FAR1: variants seen among roughly 807,000 people sequenced by gnomAD.
The protein encoded by FAR1 is fatty acyl-CoA reductase 1, also known as male sterility domain-containing protein 2.
FAR1 carries 22 observed loss-of-function variants against 61.1 expected under a neutral mutation model. That is an observed-to-expected ratio of 0.36 (90% CI 0.26 to 0.51). The LOEUF (loss-of-function observed/expected upper bound fraction) is 0.51, where lower values mean the gene tolerates loss of function less well. Among genes scored for constraint, FAR1 ranks in the 20% least tolerant of loss-of-function variants. The probability of loss-of-function intolerance (pLI) is 0.95; values close to 1 mark genes in which losing one functional copy is unlikely to be tolerated. For missense variants in FAR1, 359 were observed against 626.9 expected (o/e 0.57, Z 4.56); for synonymous variants, 206 against 209.7 (o/e 0.98, Z 0.15).
In FAR1 at chr11:13,728,700, A is replaced by C; in HGVS notation, c.1474A>C (p.Ile492Leu). ...FIARSQMARN[I>L]WYFVVSLCYK... ...TGCAAGATCACAAATGGCAAGAAAT[A>C]TCTGGTACTTTGTGGTTAGTCTGTG... The change falls in exon 12 of 12, where the codon ATC (isoleucine) becomes CTC (leucine). Residue 492 changes from isoleucine to leucine, a missense_variant. Ile to Leu is a conservative substitution (Grantham distance 5, BLOSUM62 2). Transcript: ENST00000354817. 1 of 1,612,554 alleles carries C rather than the reference A, an allele frequency of 6.2e-7. No homozygotes were observed. The highest frequency in any genetic ancestry group is 1.1e-5 in the South Asian group (1 of 91,040).
intron 8 of FAR1, among the ~76,000 whole-genome samples, chr11:13,713,293 C>T (rs574621959): frequency 6.6e-4 from 91 of 138,602 alleles, no homozygotes; most frequent in Non-Finnish European, 9.5e-4. Flanking sequence ...CTCCTGCCAT[C>T]TGCAGTAGCC....
chr11:13,680,719 C>T (rs1848118052), intron 1 of FAR1, among the ~76,000 whole-genome samples: 1 of 152,078 alleles, frequency 6.6e-6, no homozygotes, highest in South Asian at 2.1e-4. Flanking sequence ...CGCTTAGTGG[C>T]ACCAAGCCAT....
intron 1 of FAR1, among the ~76,000 whole-genome samples, chr11:13,672,449 G>C: frequency 6.6e-6 from 1 of 151,826 alleles, no homozygotes; most frequent in South Asian, 2.1e-4. Context: ...CCAGCTACTT[G>C]GGGGGCTGAG....
intron 1 of FAR1, among the ~76,000 whole-genome samples, chr11:13,688,963 T>A (rs145292216): frequency 6.6e-6 from 1 of 152,238 alleles, no homozygotes; most frequent in East Asian, 1.9e-4. Context: ...GCTCTGTAGT[T>A]TTAATTAGGC....
intron 2 of FAR1, among the ~76,000 whole-genome samples, chr11:13,695,219 A>G (rs948428021): frequency 6.6e-6 from 1 of 152,140 alleles, no homozygotes; most frequent in African/African-American, 2.4e-5. Flanking sequence ...GTATGTTTTT[A>G]GAACATTTGA....
intron 3 of FAR1, among the ~76,000 whole-genome samples, chr11:13,705,707 T>C (rs1848425028): frequency 6.6e-6 from 1 of 152,202 alleles, no homozygotes; most frequent in Non-Finnish European, 1.5e-5. Flanking sequence ...TTTTAAGAAC[T>C]CAACCCAATT....
At chr11:13,693,953 T>C (rs912557899) in intron 1 of FAR1, among the ~76,000 whole-genome samples, 4 of 152,190 alleles carry the variant, frequency 2.6e-5, no homozygotes, top group Admixed American at 2.0e-4. Flanking sequence ...TTATTCTCTC[T>C]CTGGTTGTAT....
intron 1 of FAR1, among the ~76,000 whole-genome samples, chr11:13,679,926 C>A (rs770089518): frequency 1.3e-5 from 2 of 151,944 alleles, no homozygotes; most frequent in African/African-American, 2.4e-5. Context: ...TCCTTACTAC[C>A]GAGAAGTGCC....
Position 13,728,543 on chromosome 11 carries a change from T to C in FAR1, c.1386-69T>C. 2.2e-6 allele frequency: 3 copies of C among 1,376,910 alleles called. No individual in the cohort carries two copies. In the South Asian group the frequency reaches 3.8e-5, roughly 18 times the overall value. The allele number at this position is 1,376,910 out of a possible 1,614,324, so 85.3% of individuals were successfully genotyped here. A position where few individuals can be genotyped will look rare whatever the true frequency, so the allele number is the denominator to read the frequency against. On this transcript the variant is annotated intron_variant, in intron 11 of 11. Transcript: ENST00000354817. Reference sequence around the variant, plus strand: ...GCTTTGATTAAAAACTCAGTATTAATTAGCTGCCATCTAACAATATTTTTT... The same window carrying C: ...GCTTTGATTAAAAACTCAGTATTAACTAGCTGCCATCTAACAATATTTTTT...
At chr11:13,703,206 G>C (rs1211108370) in intron 3 of FAR1, among the ~76,000 whole-genome samples, 6 of 151,910 alleles carry the variant, frequency 3.9e-5, no homozygotes. Flanking sequence ...GTTTGAGATA[G>C]GGTCTCACCT....
chr11:13,715,984 A>C (rs1037328242), intron 9 of FAR1: 1 of 152,142 alleles, frequency 6.6e-6, no homozygotes, highest in Non-Finnish European at 1.5e-5. Context: ...TTCTAACCCT[A>C]TATGTTAGCT....
intron 1 of FAR1, among the ~76,000 whole-genome samples, chr11:13,681,875 C>A (rs1009286226): frequency 2.0e-5 from 3 of 152,144 alleles, no homozygotes; most frequent in Non-Finnish European, 2.9e-5. Context: ...CCCATCCATA[C>A]TTTTAAATTC....
At position 13,712,047 on chromosome 11, in the gene FAR1, GTA is replaced by G; in HGVS notation, c.887+5_887+6del. On this transcript the variant is annotated splice_donor_variant and splice_donor_region_variant and intron_variant, in intron 7 of 11. Coordinates refer to ENST00000354817, the MANE Select transcript of FAR1 (RefSeq NM_032228.6). LOFTEE classifies it high-confidence loss of function. ...CAGCCTGGTATTCCGGAGTTAATAG[GTA>G]TATGAGGTGACAATGTCGCTTATTA... 6.3e-7 allele frequency: 1 copy of G among 1,575,778 alleles called. No homozygotes were observed. Among genetic ancestry groups the G allele is most frequent in the Non-Finnish European group, 8.7e-7 (1 of 1,145,608 alleles).
chr11:13,698,235 T>G (rs1848329191), intron 2 of FAR1, among the ~76,000 whole-genome samples: 1 of 152,172 alleles, frequency 6.6e-6, no homozygotes, highest in South Asian at 2.1e-4. Context: ...CTGAATTTAT[T>G]CACTTAACAA....
intron 10 of FAR1, 58 bp from the exon 11 acceptor site, chr11:13,727,498 G>T: frequency 6.7e-7 from 1 of 1,498,858 alleles, no homozygotes; most frequent in South Asian, 1.3e-5. Flanking sequence ...GTGAATTTCT[G>T]ACTGGTTGTG....
intron 4 of FAR1, among the ~76,000 whole-genome samples, chr11:13,709,073 T>G (rs972299298): frequency 1.6e-4 from 25 of 152,212 alleles, no homozygotes; most frequent in Non-Finnish European, 7.4e-5. Flanking sequence ...TCATGTTTGT[T>G]AATCCTTATA....
chr11:13,687,412 T>C (rs1053567359), intron 1 of FAR1, among the ~76,000 whole-genome samples: 2 of 152,234 alleles, frequency 1.3e-5, no homozygotes, highest in African/African-American at 4.8e-5. Flanking sequence ...TTTTCTCATA[T>C]TGCAGTGGTG....
chr11:13,721,934 A>G lies in FAR1; in HGVS notation c.1257+75A>G, dbSNP rs1848613627. 1.6e-6 allele frequency: 2 copies of G among 1,258,466 alleles called. No homozygotes were observed. The highest frequency in any genetic ancestry group is 1.5e-5 in the African/African-American group (1 of 66,146). 78.0% of individuals were successfully genotyped at this position (1,258,466 alleles called of 1,614,324 possible). On this transcript the variant is annotated intron_variant, in intron 10 of 11. Transcript: ENST00000354817. This position sits in a 1 kb window ranked among gnomAD's most constrained non-coding sequence, Gnocchi z 4.2. The stretch of plus-strand genomic sequence containing the variant: ...TACAGAACTATTAGCAACCTGAGAA[A>G]TATTTTCCACAGCTATTATGCAACA...
chr11:13,709,490 G>T (rs1024208872), intron 4 of FAR1, among the ~76,000 whole-genome samples: 1 of 152,100 alleles, frequency 6.6e-6, no homozygotes, highest in Admixed American at 6.5e-5. Context: ...GTAAGCTAAT[G>T]CTGTATCTCC....
Sources: allele counts gnomAD v4.1 joint callset (sites outside exome capture counted in the v4.1 genomes callset), GRCh38; gene constraint gnomAD v4.1.1; non-coding constraint Gnocchi (gnomAD v3.1); transcripts MANE v1.5; gene names NCBI Gene and HGNC (gene_info 2026-07-23, HGNC 2026-07-21).